The following CUL2 variants were observed in gnomAD, a reference collection of about 807,000 sequenced individuals.
CUL2 encodes cullin 2, also known as cullin-2.
A neutral mutation model predicts 110.2 loss-of-function variants in CUL2; 22 were observed. The observed-to-expected ratio is 0.20, with a 90% CI of 0.14 to 0.28. CUL2 has a LOEUF of 0.28. CUL2 is among the 10% of genes least tolerant of loss of function. The pLI, the probability that CUL2 is intolerant of heterozygous loss-of-function variation, is 1.00. For missense variants in CUL2, 631 were observed against 905.5 expected, an observed-to-expected ratio of 0.70 and a Z score of 3.89; for synonymous variants, 279 against 293.2, an observed-to-expected ratio of 0.95 and a Z score of 0.49.
At chr10:35,088,777 A>G (rs1005554196) in intron 1 of CUL2, among the ~76,000 whole-genome samples, 1 of 152,222 alleles carries the variant, frequency 6.6e-6, no homozygotes, top group Admixed American at 6.5e-5. Flanking sequence ...GAACATCCAA[A>G]TACTCAAAAA....
intron 1 of CUL2, among the ~76,000 whole-genome samples, chr10:35,116,935 C>T (rs1051434348): frequency 6.8e-6 from 1 of 146,548 alleles, no homozygotes; most frequent in Non-Finnish European, 1.5e-5. Context: ...CCAGCCTGGG[C>T]GACAGGGTGA....
chr10:35,011,318 A>G (rs2084897227), intron 20 of CUL2, among the ~76,000 whole-genome samples: 1 of 150,748 alleles, frequency 6.6e-6, no homozygotes, highest in Admixed American at 6.6e-5. Context: ...CTAACAAGAC[A>G]TTCAGATTAC....
At chr10:35,083,023 G>A (rs2086978698) in intron 1 of CUL2, among the ~76,000 whole-genome samples, 1 of 151,914 alleles carries the variant, frequency 6.6e-6, no homozygotes, top group African/African-American at 2.4e-5. Flanking sequence ...TCGGTGTGGT[G>A]GCAGGTGCCT....
chr10:35,018,634 A>G (rs1254473187), intron 17 of CUL2, among the ~76,000 whole-genome samples: 1 of 151,666 alleles, frequency 6.6e-6, no homozygotes, highest in East Asian at 2.0e-4. Context: ...GTGGTGGTGC[A>G]TGCCTGTAAT....
intron 16 of CUL2, among the ~76,000 whole-genome samples, chr10:35,026,433 A>T (rs1205474316): frequency 6.6e-6 from 1 of 152,224 alleles, no homozygotes; most frequent in Non-Finnish European, 1.5e-5. Flanking sequence ...AATAAAAGTT[A>T]AAAAAACTTT....
chr10:35,087,681 G>A (rs1169901845), intron 1 of CUL2, among the ~76,000 whole-genome samples: 4 of 152,110 alleles, frequency 2.6e-5, no homozygotes, highest in Non-Finnish European at 5.9e-5. Flanking sequence ...CCAACTGCAT[G>A]CTCATCCAAA....
intron 8 of CUL2, 109 bp from the exon 9 acceptor site, chr10:35,039,191 C>A: frequency 1.7e-6 from 1 of 601,062 alleles, no homozygotes; most frequent in Non-Finnish European, 2.7e-6. Context: ...TTAAACATGG[C>A]AAAGGTAATA....
At chr10:35,081,501 G>C (rs2086946741) in intron 1 of CUL2, among the ~76,000 whole-genome samples, 2 of 152,152 alleles carry the variant, frequency 1.3e-5, no homozygotes, top group South Asian at 4.1e-4. Flanking sequence ...TAGAGAATTT[G>C]AATTTCTGAG....
intron 1 of CUL2, chr10:35,074,094 AT>A (rs2086754325): frequency 8.6e-7 from 1 of 1,160,064 alleles, no homozygotes; most frequent in African/African-American, 1.5e-5. Flanking sequence ...GCCAGGCACC[AT>A]TCCAAGCTCT....
rs1295755421 is a variant in CUL2 at position 35,038,949 on chromosome 10, T to A, written c.848A>T (p.His283Leu). The change falls in exon 9 of 21, where the codon CAT becomes CTT. Residue 283 changes from histidine (H) to leucine (L), a missense_variant. Physicochemically the swap from His to Leu is moderately conservative, Grantham distance 99 (BLOSUM62 -3). Around this residue, in one of 3 missense-constraint regions of CUL2, gnomAD observed 338 missense variants for 442.5 expected, o/e 0.76. Coordinates refer to ENST00000374749, the MANE Select transcript of CUL2 (RefSeq NM_003591.4). The part of the protein sequence containing the change: ...DHLQFLHAEC[H>L]NIIRQEKKND... Reference sequence around the variant, plus strand: ...TTTTTTCTCTTGTCGAATTATATTATGACATTCTGCATGTAAAAACTGTAA... The same window carrying A: ...TTTTTTCTCTTGTCGAATTATATTAAGACATTCTGCATGTAAAAACTGTAA... The A allele has an allele frequency of 6.2e-7, 1 of 1,603,840 alleles. No homozygotes were observed. The highest frequency in any genetic ancestry group is 1.3e-5 in the African/African-American group (1 of 74,850).
At chr10:35,100,375 A>G (rs1312729459) in intron 2 of CUL2, among the ~76,000 whole-genome samples, 1 of 152,176 alleles carries the variant, frequency 6.6e-6, no homozygotes, top group Admixed American at 6.5e-5. Flanking sequence ...CTACATCCTC[A>G]TCACATTTCT....
chr10:35,029,354 G>T, intron 15 of CUL2, 134 bp downstream of exon 15: 1 of 619,430 alleles, frequency 1.6e-6, no homozygotes, highest in Non-Finnish European at 2.5e-6. Flanking sequence ...ACCACGCCCA[G>T]CCCAAATCAA....
chr10:35,124,416 T>C (rs916458528), intron 1 of CUL2, among the ~76,000 whole-genome samples: 2 of 150,416 alleles, frequency 1.3e-5, no homozygotes, highest in African/African-American at 4.9e-5. Flanking sequence ...TGTCTACATA[T>C]AAAAATAAAA....
upstream of CUL2, among the ~76,000 whole-genome samples, chr10:35,092,908 C>G (rs2087234769): frequency 6.6e-6 from 1 of 152,166 alleles, no homozygotes; most frequent in African/African-American, 2.4e-5. Flanking sequence ...AATATACTCC[C>G]TTACTGCTCA....
At chr10:35,041,085 T>G (rs1453278927) in intron 8 of CUL2, among the ~76,000 whole-genome samples, 2 of 152,160 alleles carry the variant, frequency 1.3e-5, no homozygotes, top group Non-Finnish European at 2.9e-5. Context: ...AGGACAAAAG[T>G]GTTCACCACA....
chr10:35,044,933 A>C, intron 6 of CUL2, 65 bp from the exon 7 acceptor site: 1 of 1,069,396 alleles, frequency 9.4e-7, no homozygotes, highest in Non-Finnish European at 1.4e-6. Context: ...TATACCCAAA[A>C]TATGCCAAAA....
At chr10:35,084,757 A>G (rs1025959784) in intron 1 of CUL2, among the ~76,000 whole-genome samples, 2 of 152,196 alleles carry the variant, frequency 1.3e-5, no homozygotes, top group Non-Finnish European at 2.9e-5. Flanking sequence ...AAGATTTAAC[A>G]TGAGCCAGTC....
intron 2 of CUL2, among the ~76,000 whole-genome samples, chr10:35,070,428 T>TGG (rs1352858974): frequency 6.6e-6 from 1 of 152,186 alleles, no homozygotes; most frequent in Non-Finnish European, 1.5e-5. Context: ...TCTTATGAAA[T>TGG]CAGAGCTTTT....
At chr10:35,050,126 T>C (rs1031063535) in intron 5 of CUL2, among the ~76,000 whole-genome samples, 1 of 151,988 alleles carries the variant, frequency 6.6e-6, no homozygotes, top group Non-Finnish European at 1.5e-5. Flanking sequence ...ATCAAGACCA[T>C]CCTGGCTAAC....
Sources: gnomAD v4.1 joint callset for allele counts (sites outside exome capture counted in the v4.1 genomes callset) on GRCh38, gnomAD v4.1.1 for gene constraint, gnomAD v4.1.1 regional missense constraint, MANE v1.5 for transcripts, NCBI Gene and HGNC (gene_info 2026-07-23, HGNC 2026-07-21) for gene names.